NDUFAF2: variants seen among roughly 807,000 people sequenced by gnomAD.
NDUFAF2 encodes NADH:ubiquinone oxidoreductase complex assembly factor 2, also known as NADH dehydrogenase [ubiquinone] 1 alpha subcomplex assembly factor 2.
In NDUFAF2, 13 loss-of-function variants were observed where a neutral mutation model predicts 22.8. The ratio of observed to expected loss-of-function variants is 0.57; its 90% CI spans 0.37 to 0.91. NDUFAF2 has a LOEUF of 0.91. Ranked by LOEUF, NDUFAF2 falls within the 40% of genes least tolerant of loss-of-function variation. The pLI is 0.01. For missense variants in NDUFAF2, 162 were observed against 195.2 expected (o/e 0.83, Z 1.01); for synonymous variants, 53 against 64.2 (o/e 0.83, Z 0.84).
intron 1 of NDUFAF2, among the ~76,000 whole-genome samples, chr5:61,009,027 T>A (rs577674664): frequency 6.6e-6 from 1 of 152,200 alleles, no homozygotes; most frequent in South Asian, 2.1e-4. Context: ...GGCATGTAAA[T>A]CTTTTACTGT....
rs146585891 is a variant in NDUFAF2 at position 61,105,876 on chromosome 5, G to T, written c.258+6844G>T. Among the ~76,000 whole-genome samples, 467 of 151,518 alleles carry T rather than the reference G, an allele frequency of 3.1e-3. 22 individuals are homozygous for T. The highest frequency in any genetic ancestry group is 0.011 in the African/African-American group (451 of 40,874). On this transcript the variant is annotated intron_variant, in intron 3 of 3. Coordinates refer to ENST00000296597, the MANE Select transcript of NDUFAF2 (RefSeq NM_174889.5). ...TGGAGGCAGGAAAGCAGATGGACAA[G>T]AGGTAATGGATTTAGTGAAACTGAG...
chr5:60,988,727 A>G (rs1371102316), intron 1 of NDUFAF2, among the ~76,000 whole-genome samples: 5 of 152,220 alleles, frequency 3.3e-5, no homozygotes, highest in Admixed American at 6.5e-5. Flanking sequence ...GGCTAGGTAT[A>G]TGTGGAAGAC....
intron 3 of NDUFAF2, among the ~76,000 whole-genome samples, chr5:61,128,882 A>G (rs1447526122): frequency 2.0e-5 from 3 of 152,102 alleles, no homozygotes; most frequent in African/African-American, 7.2e-5. Context: ...ATGGGAGAAA[A>G]CTTTTGCAAT....
chr5:60,949,891 T>C (rs1281007003), intron 1 of NDUFAF2, among the ~76,000 whole-genome samples: 4 of 152,220 alleles, frequency 2.6e-5, no homozygotes, highest in African/African-American at 9.6e-5. Flanking sequence ...TTTGTTACTA[T>C]TATATTGAAG....
intron 2 of NDUFAF2, among the ~76,000 whole-genome samples, chr5:61,082,308 G>C (rs1752453083): frequency 6.6e-6 from 1 of 152,074 alleles, no homozygotes; most frequent in Non-Finnish European, 1.5e-5. Flanking sequence ...CTGTGGCTCA[G>C]GCTGGTCTCA....
chr5:61,007,527 T>A (rs1453587976), intron 1 of NDUFAF2, among the ~76,000 whole-genome samples: 3 of 152,184 alleles, frequency 2.0e-5, no homozygotes, highest in Non-Finnish European at 2.9e-5. Flanking sequence ...AAGACCTTTA[T>A]GCAGCCAAAA....
intron 1 of NDUFAF2, among the ~76,000 whole-genome samples, chr5:61,040,107 C>T (rs76167809): frequency 1.3e-5 from 2 of 151,768 alleles, no homozygotes; most frequent in African/African-American, 2.4e-5. Flanking sequence ...ATAGTGTCCC[C>T]CCAAAAAATG....
At chr5:61,040,565 CT>C (rs139556566) in intron 1 of NDUFAF2, among the ~76,000 whole-genome samples, 4,743 of 150,636 alleles carry the variant, frequency 0.031, 265 homozygotes, top group African/African-American at 0.11. Context: ...ATTTTTTTGC[CT>C]TTTTTTTTGT....
chr5:61,013,285 A>T (rs906661408), intron 1 of NDUFAF2, among the ~76,000 whole-genome samples: 1 of 151,674 alleles, frequency 6.6e-6, no homozygotes, highest in Non-Finnish European at 1.5e-5. Flanking sequence ...GCTTAATTAA[A>T]TTTTTTTTTC....
intron 1 of NDUFAF2, among the ~76,000 whole-genome samples, chr5:61,005,835 A>G (rs973748543): frequency 6.6e-6 from 1 of 151,922 alleles, no homozygotes; most frequent in Non-Finnish European, 1.5e-5. Context: ...TAGATTCTGG[A>G]TATTAGTGCT....
intron 1 of NDUFAF2, among the ~76,000 whole-genome samples, chr5:61,011,194 T>C (rs1751438230): frequency 6.6e-6 from 1 of 152,186 alleles, no homozygotes; most frequent in Non-Finnish European, 1.5e-5. Context: ...GTTTTTCCTG[T>C]GTTTTCGTAA....
chr5:61,098,033 C>T lies in NDUFAF2; in HGVS notation c.218-959C>T, dbSNP rs1176080499. 6.6e-5 allele frequency among the ~76,000 whole-genome samples: 10 copies of T among 152,094 alleles called. 1 individual carries two copies. Among genetic ancestry groups the T allele is most frequent in the Admixed American group, 6.5e-4 (10 of 15,268 alleles). ...CTCCTATACAACATTGCAGGCTAAG[C>T]AGATATTATTGATCTTTTGTTTTTT... On this transcript the variant is annotated intron_variant, in intron 2 of 3. Transcript: ENST00000296597.
rs187944226 is a variant in NDUFAF2, at chr5:61,109,021, A to C, written c.258+9989A>C. ...TCATTGGTATTTTGATAGGATTTGCATTGAATCTGTAGATTGCTTTGGGTA... is the reference window on the plus strand; with the variant it reads ...TCATTGGTATTTTGATAGGATTTGCCTTGAATCTGTAGATTGCTTTGGGTA... On this transcript the variant is annotated intron_variant, in intron 3 of 3. Transcript: ENST00000296597. Among the ~76,000 whole-genome samples, 189 of 152,270 alleles carry C rather than the reference A, an allele frequency of 1.2e-3. 1 individual carries two copies. The highest frequency in any genetic ancestry group is 4.5e-3 in the African/African-American group (185 of 41,572).
chr5:60,953,053 T>G (rs2112563567), intron 1 of NDUFAF2, among the ~76,000 whole-genome samples: 1 of 152,198 alleles, frequency 6.6e-6, no homozygotes, highest in South Asian at 2.1e-4. Context: ...TCAAAAATAT[T>G]TGAAGAAATA....
Position 61,093,104 on chromosome 5 carries a change from A to G in NDUFAF2, c.218-5888A>G, listed in dbSNP as rs112387892. On this transcript the variant is annotated intron_variant, in intron 2 of 3. Transcript: ENST00000296597. The stretch of plus-strand genomic sequence containing the variant: ...AGTTCGAGAGCAGGAAGCATCCAGC[A>G]TGGGAGAAAGAGTAAGTCCAGAAGG... Among the ~76,000 whole-genome samples, 286 of 152,340 alleles carry G rather than the reference A, an allele frequency of 1.9e-3. 4 individuals are homozygous for G. The highest frequency in any genetic ancestry group is 6.7e-3 in the African/African-American group (277 of 41,592).
intron 1 of NDUFAF2, among the ~76,000 whole-genome samples, chr5:60,965,759 G>A (rs1370099582): frequency 1.3e-5 from 2 of 151,874 alleles, no homozygotes; most frequent in African/African-American, 2.4e-5. Flanking sequence ...TTCCTTATCT[G>A]TTCATCTGTC....
chr5:61,090,708 CA>C (rs1209738625), intron 2 of NDUFAF2, among the ~76,000 whole-genome samples: 2 of 152,054 alleles, frequency 1.3e-5, no homozygotes, highest in South Asian at 2.1e-4. Context: ...ATTTTAAGTT[CA>C]GGGGTACATA....
At chr5:61,052,523 G>T (rs2111701199) in intron 1 of NDUFAF2, among the ~76,000 whole-genome samples, 1 of 152,188 alleles carries the variant, frequency 6.6e-6, no homozygotes, top group African/African-American at 2.4e-5. Flanking sequence ...TGTTAGCCAG[G>T]ATGGTCTCGA....
chr5:60,986,776 C>T (rs1751084461), intron 1 of NDUFAF2, among the ~76,000 whole-genome samples: 1 of 151,490 alleles, frequency 6.6e-6, no homozygotes, highest in Non-Finnish European at 1.5e-5. Context: ...TAAAAAAATA[C>T]AAAAAATAAG....
Sources: gnomAD v4.1 joint callset for allele counts (sites outside exome capture counted in the v4.1 genomes callset) on GRCh38, gnomAD v4.1.1 for gene constraint, MANE v1.5 for transcripts, NCBI Gene and HGNC (gene_info 2026-07-23, HGNC 2026-07-21) for gene names.